The following BMAL1 variants were observed in gnomAD, a reference collection of about 807,000 sequenced individuals.
BMAL1 encodes the protein basic helix-loop-helix ARNT like 1.
At chr11:13,369,125 C>G in the BMAL1 span, among the ~76,000 whole-genome samples, 117 of 152,268 alleles carry the variant, frequency 7.7e-4, no homozygotes, top group African/African-American at 2.7e-3. Flanking sequence ...GGTATTCTGG[C>G]CTACAAGCCA....
chr11:13,285,867 G>C, the BMAL1 span, among the ~76,000 whole-genome samples: 514 of 152,122 alleles, frequency 3.4e-3, 3 homozygotes, highest in African/African-American at 0.011. Context: ...ACATTATATT[G>C]CATATAAACA....
chr11:13,365,765 G>A, the BMAL1 span, among the ~76,000 whole-genome samples: 12 of 152,290 alleles, frequency 7.9e-5, no homozygotes, highest in African/African-American at 2.2e-4. Flanking sequence ...AATATGTTCC[G>A]TATTCCCCCC....
the BMAL1 span, chr11:13,366,597 C>A: frequency 7.3e-7 from 1 of 1,371,302 alleles, no homozygotes. Context: ...ACTGTGCATG[C>A]TTACTTGTTG....
chr11:13,295,436 T>C, the BMAL1 span, among the ~76,000 whole-genome samples: 1 of 152,062 alleles, frequency 6.6e-6, no homozygotes, highest in Non-Finnish European at 1.5e-5. Context: ...TGTCGAGAAG[T>C]GGGAGGGCCA....
the BMAL1 span, among the ~76,000 whole-genome samples, chr11:13,349,039 A>G: frequency 1.4e-4 from 22 of 152,188 alleles, no homozygotes; most frequent in Admixed American, 2.6e-4. Flanking sequence ...TTTCAGAGCC[A>G]GTTTCTGCCA....
At chr11:13,376,599 C>T in the BMAL1 span, 7 of 1,595,084 alleles carry the variant, frequency 4.4e-6, no homozygotes, top group Non-Finnish European at 6.0e-6. Flanking sequence ...CAGTTCTGAG[C>T]AGGCCTGACT....
the BMAL1 span, among the ~76,000 whole-genome samples, chr11:13,360,844 ACTG>A: frequency 6.6e-6 from 1 of 152,196 alleles, no homozygotes; most frequent in Non-Finnish European, 1.5e-5. Flanking sequence ...AAATAACAAA[ACTG>A]TGGCTCACGC....
At chr11:13,346,622 G>T in the BMAL1 span, among the ~76,000 whole-genome samples, 11 of 152,188 alleles carry the variant, frequency 7.2e-5, no homozygotes, top group African/African-American at 2.7e-4. Flanking sequence ...TTCCTGTGGA[G>T]CCCCTGAGAT....
chr11:13,348,235 G>T, the BMAL1 span, among the ~76,000 whole-genome samples: 1 of 152,230 alleles, frequency 6.6e-6, no homozygotes, highest in African/African-American at 2.4e-5. Context: ...GAGGCAGGGT[G>T]GTTTTGGGAA....
chr11:13,349,789 T>G, the BMAL1 span, among the ~76,000 whole-genome samples: 3 of 152,034 alleles, frequency 2.0e-5, no homozygotes, highest in East Asian at 3.9e-4. Flanking sequence ...GGGTGGTGAG[T>G]GCCGGTAGAG....
the BMAL1 span, chr11:13,380,916 T>A: frequency 2.5e-6 from 1 of 408,138 alleles, no homozygotes; most frequent in Non-Finnish European, 4.5e-6. Flanking sequence ...TTTTTGTAAA[T>A]AAAGTTTTAT....
At chr11:13,284,234 GTATATATATATATATA>G in the BMAL1 span, among the ~76,000 whole-genome samples, 1 of 4,294 alleles carries the variant, frequency 2.3e-4, no homozygotes, top group Non-Finnish European at 5.0e-4. Flanking sequence ...ATATGTGTGT[GTATATATATATATATA>G]TATATATATA....
the BMAL1 span, chr11:13,358,596 G>A: frequency 6.3e-7 from 1 of 1,584,660 alleles, no homozygotes; most frequent in Non-Finnish European, 8.6e-7. Flanking sequence ...TAAGAGGTGA[G>A]ACCCTGGGCT....
the BMAL1 span, chr11:13,355,052 G>A: frequency 3.8e-6 from 2 of 530,114 alleles, no homozygotes; most frequent in African/African-American, 3.8e-5. Flanking sequence ...TTCTATATAT[G>A]TACAAACACC....
chr11:13,284,149 T>C, the BMAL1 span, among the ~76,000 whole-genome samples: 1 of 40,790 alleles, frequency 2.5e-5, no homozygotes, highest in Non-Finnish European at 4.7e-5. Flanking sequence ...TATATGTGTA[T>C]ATATATATAT....
the BMAL1 span, among the ~76,000 whole-genome samples, chr11:13,289,422 G>A: frequency 9.0e-3 from 1,373 of 152,222 alleles, 18 homozygotes; most frequent in African/African-American, 0.03. Context: ...TAGGGTACAT[G>A]TGCACAACAC....
the BMAL1 span, among the ~76,000 whole-genome samples, chr11:13,366,155 G>A: frequency 6.6e-6 from 1 of 152,226 alleles, no homozygotes; most frequent in Non-Finnish European, 1.5e-5. Context: ...TTGGTAGGCA[G>A]AAGACTTGAA....
the BMAL1 span, among the ~76,000 whole-genome samples, chr11:13,324,053 A>T: frequency 6.6e-6 from 1 of 152,312 alleles, no homozygotes; most frequent in Non-Finnish European, 1.5e-5. Flanking sequence ...GCAGTTCTTG[A>T]CAACTCTTAC....
chr11:13,350,307 C>G, the BMAL1 span, among the ~76,000 whole-genome samples: 1 of 152,324 alleles, frequency 6.6e-6, no homozygotes, highest in South Asian at 2.1e-4. Context: ...ACCCTGAGGG[C>G]AGGGCTCTGT....
Sources: allele counts gnomAD v4.1 joint callset (sites outside exome capture counted in the v4.1 genomes callset), GRCh38; gene constraint gnomAD v4.1.1; transcripts MANE v1.5; gene names NCBI Gene and HGNC (gene_info 2026-07-23, HGNC 2026-07-21).